PHACTR3: variants seen among roughly 807,000 people sequenced by gnomAD.
The protein encoded by PHACTR3 is phosphatase and actin regulator 3.
In PHACTR3, 16 loss-of-function variants were observed where a neutral mutation model predicts 66.8. The observed-to-expected ratio is 0.24, with a 90% CI of 0.16 to 0.36. The LOEUF (loss-of-function observed/expected upper bound fraction) is 0.36. PHACTR3 is among the 10% of genes least tolerant of loss of function. The pLI is 1.00. For synonymous variants in PHACTR3, 323 were observed against 292.1 expected, an observed-to-expected ratio of 1.11 and a Z score of -1.08; for missense variants, 647 against 719.9, an observed-to-expected ratio of 0.90 and a Z score of 1.16.
At chr20:59,580,886 T>A (rs1030633964) in intron 1 of PHACTR3, among the ~76,000 whole-genome samples, 1 of 152,220 alleles carries the variant, frequency 6.6e-6, no homozygotes, top group Admixed American at 6.5e-5. Context: ...AAAAGGGCCA[T>A]CTGTTAATTC....
chr20:59,827,974 T>C (rs2042243705), intron 8 of PHACTR3, among the ~76,000 whole-genome samples: 1 of 152,182 alleles, frequency 6.6e-6, no homozygotes, highest in African/African-American at 2.4e-5. Context: ...CTGGAGCTCC[T>C]GCTGTATTTT....
At chr20:59,816,082 A>G (rs1322558118) in intron 8 of PHACTR3, among the ~76,000 whole-genome samples, 1 of 152,010 alleles carries the variant, frequency 6.6e-6, no homozygotes, top group African/African-American at 2.4e-5. Flanking sequence ...GTAATATAGA[A>G]TCAGTGGGAG....
intron 1 of PHACTR3, among the ~76,000 whole-genome samples, chr20:59,740,529 T>TA (rs2039114647): frequency 6.6e-6 from 1 of 151,262 alleles, no homozygotes; most frequent in Non-Finnish European, 1.5e-5. Context: ...ACTCTTGGGA[T>TA]CAAGGGATCC....
At chr20:59,729,417 G>A (rs1304207078) in intron 1 of PHACTR3, among the ~76,000 whole-genome samples, 1 of 152,152 alleles carries the variant, frequency 6.6e-6, no homozygotes, top group African/African-American at 2.4e-5. Flanking sequence ...AGTGTGCAGA[G>A]TGAGGGGGCA....
At chr20:59,766,958 T>C (rs1490428310) in intron 4 of PHACTR3, among the ~76,000 whole-genome samples, 2 of 152,170 alleles carry the variant, frequency 1.3e-5, no homozygotes, top group Non-Finnish European at 2.9e-5. Context: ...GAAAAAAGAA[T>C]GGAATCCCTC....
At chr20:59,639,172 A>G (rs2035016616) in intron 1 of PHACTR3, among the ~76,000 whole-genome samples, 1 of 151,976 alleles carries the variant, frequency 6.6e-6, no homozygotes, top group African/African-American at 2.4e-5. Context: ...GGGTCTGTGG[A>G]TGGATGGATG....
At chr20:59,625,405 T>A (rs2034410128) in intron 1 of PHACTR3, among the ~76,000 whole-genome samples, 1 of 151,956 alleles carries the variant, frequency 6.6e-6, no homozygotes, top group Non-Finnish European at 1.5e-5. Context: ...CATGTTCTCA[T>A]CCCATCTGAT....
At chr20:59,707,322 C>G (rs925623159) in intron 1 of PHACTR3, among the ~76,000 whole-genome samples, 11 of 152,188 alleles carry the variant, frequency 7.2e-5, no homozygotes, top group Non-Finnish European at 1.5e-4. Context: ...CTCTAAATCT[C>G]CTGTTGATTT....
chr20:59,827,751 C>A (rs905074418), intron 8 of PHACTR3, among the ~76,000 whole-genome samples: 4 of 152,176 alleles, frequency 2.6e-5, no homozygotes, highest in African/African-American at 9.7e-5. Flanking sequence ...ACAGAGTAGG[C>A]AGGAGCCTTT....
Position 59,583,413 on chromosome 20 carries a change from T to C in PHACTR3, c.109+5796T>C, listed in dbSNP as rs1013797543. 4.6e-5 allele frequency among the ~76,000 whole-genome samples: 7 copies of C among 152,234 alleles called. 1 individual carries two copies. Among genetic ancestry groups the C allele is most frequent in the Non-Finnish European group, 1.0e-4 (7 of 68,042 alleles). The stretch of plus-strand genomic sequence containing the variant: ...ATTTTGGGCAAAAATTGGTCTGATC[T>C]GGTAGCCTACATGGTTTTATTAATA... On this transcript the variant is annotated intron_variant, in intron 1 of 12. Transcript: ENST00000359926.
At chr20:59,612,046 T>TGG (rs2033868347) in intron 1 of PHACTR3, among the ~76,000 whole-genome samples, 1 of 152,070 alleles carries the variant, frequency 6.6e-6, no homozygotes, top group Non-Finnish European at 1.5e-5. Context: ...GTGCAGGTAG[T>TGG]GGGTGTGTCC....
intron 1 of PHACTR3, among the ~76,000 whole-genome samples, chr20:59,717,510 G>C (rs2038133472): frequency 6.6e-6 from 1 of 152,206 alleles, no homozygotes; most frequent in Non-Finnish European, 1.5e-5. Flanking sequence ...AGCCCTGTAA[G>C]GGGGATAGCA....
At chr20:59,784,336 A>G (rs958305410) in intron 7 of PHACTR3, among the ~76,000 whole-genome samples, 7 of 151,712 alleles carry the variant, frequency 4.6e-5, no homozygotes, top group South Asian at 2.1e-4. Context: ...ATATATGTGT[A>G]TATATAGAAT....
intron 1 of PHACTR3, among the ~76,000 whole-genome samples, chr20:59,675,305 C>A (rs530682050): frequency 6.6e-6 from 1 of 151,854 alleles, no homozygotes; most frequent in Non-Finnish European, 1.5e-5. Flanking sequence ...GGAAGGGTAC[C>A]CCATTGTACA....
intron 1 of PHACTR3, among the ~76,000 whole-genome samples, chr20:59,651,839 AGGTAG>A (rs2035468904): frequency 8.1e-6 from 1 of 123,504 alleles, no homozygotes; most frequent in African/African-American, 3.3e-5. Flanking sequence ...GTAGGTAGGT[AGGTAG>A]GTAGGTAGGT....
chr20:59,751,047 G>A (rs1395212966), intron 3 of PHACTR3, among the ~76,000 whole-genome samples: 1 of 152,220 alleles, frequency 6.6e-6, no homozygotes, highest in Non-Finnish European at 1.5e-5. Context: ...GTTGGCGGTG[G>A]CTGTGCACCT....
At chr20:59,698,003 G>A (rs886573767) in intron 1 of PHACTR3, among the ~76,000 whole-genome samples, 1 of 152,144 alleles carries the variant, frequency 6.6e-6, no homozygotes, top group African/African-American at 2.4e-5. Flanking sequence ...TTGACTGTCC[G>A]TGACTATTTC....
chr20:59,737,908 C>A (rs1326501801), intron 1 of PHACTR3, among the ~76,000 whole-genome samples: 1 of 152,128 alleles, frequency 6.6e-6, no homozygotes. Context: ...CAAAGTGCTC[C>A]CTCGCCAGCC....
At chr20:59,835,544 C>A (rs1010342271) in intron 8 of PHACTR3, among the ~76,000 whole-genome samples, 3 of 152,144 alleles carry the variant, frequency 2.0e-5, no homozygotes, top group Non-Finnish European at 4.4e-5. Context: ...AAATACTGGG[C>A]CCTGTTGTCT....
Sources: gnomAD v4.1 joint callset for allele counts (sites outside exome capture counted in the v4.1 genomes callset) on GRCh38, gnomAD v4.1.1 for gene constraint, MANE v1.5 for transcripts, NCBI Gene and HGNC (gene_info 2026-07-23, HGNC 2026-07-21) for gene names.